The following ANO3 variants were observed in gnomAD, a reference collection of about 807,000 sequenced individuals.
ANO3 encodes the protein anoctamin 3.
In ANO3, 99 loss-of-function variants were observed where a neutral mutation model predicts 144.8. That is an observed-to-expected ratio of 0.68 (90% CI 0.58 to 0.81). The LOEUF is 0.81. Ranked by LOEUF, ANO3 falls within the 30% of genes least tolerant of loss-of-function variation. The pLI is 0.00. For missense variants in ANO3, 905 were observed against 1,202.2 expected, an observed-to-expected ratio of 0.75 and a Z score of 3.66; for synonymous variants, 414 against 392.6, an observed-to-expected ratio of 1.05 and a Z score of -0.64.
At chr11:26,403,568 A>G (rs2133976993) in intron 1 of ANO3, among the ~76,000 whole-genome samples, 1 of 151,958 alleles carries the variant, frequency 6.6e-6, no homozygotes, top group South Asian at 2.1e-4. Flanking sequence ...CACCTTAGTT[A>G]TCCCCGCTTT....
intron 4 of ANO3, chr11:26,474,132 T>C: frequency 1.0e-6 from 1 of 980,524 alleles, no homozygotes; most frequent in Non-Finnish European, 1.2e-6. Flanking sequence ...GACTGTGGTA[T>C]GTTTAAAAGT....
At chr11:26,366,558 C>T (rs897723344) in intron 1 of ANO3, among the ~76,000 whole-genome samples, 6 of 152,156 alleles carry the variant, frequency 3.9e-5, no homozygotes, top group Admixed American at 3.9e-4. Flanking sequence ...TCGCCACAGT[C>T]TTCCACAATG....
intron 1 of ANO3, among the ~76,000 whole-genome samples, chr11:26,252,987 T>C (rs542527197): frequency 2.5e-4 from 38 of 152,138 alleles, no homozygotes; most frequent in African/African-American, 9.2e-4. Flanking sequence ...GAAAGCCAAA[T>C]CACACAGGAA....
At chr11:26,460,438 T>C (rs78028537) in intron 3 of ANO3, among the ~76,000 whole-genome samples, 76 of 5,050 alleles carry the variant, frequency 0.015, 1 homozygote, top group South Asian at 0.062. Context: ...GGCGGGCGGG[T>C]GGAAGGAAAG....
intron 3 of ANO3, among the ~76,000 whole-genome samples, chr11:26,455,396 G>T (rs1420717982): frequency 6.6e-6 from 1 of 151,504 alleles, no homozygotes; most frequent in Admixed American, 6.6e-5. Context: ...CAAAATCAAT[G>T]TACAAAAATC....
chr11:26,536,145 C>T (rs1216323144), intron 9 of ANO3, among the ~76,000 whole-genome samples: 1 of 150,782 alleles, frequency 6.6e-6, no homozygotes, highest in Non-Finnish European at 1.5e-5. Context: ...CATGGTAAAA[C>T]CCGTCTTTAC....
chr11:26,241,967 A>C (rs1233986356), intron 1 of ANO3, among the ~76,000 whole-genome samples: 1 of 152,214 alleles, frequency 6.6e-6, no homozygotes, highest in Non-Finnish European at 1.5e-5. Context: ...GAGATGCAAA[A>C]TAGAGAGCTT....
At chr11:26,323,496 T>C (rs1384360757) in intron 1 of ANO3, among the ~76,000 whole-genome samples, 1 of 152,054 alleles carries the variant, frequency 6.6e-6, no homozygotes, top group African/African-American at 2.4e-5. Flanking sequence ...GGGTTTTGAA[T>C]GGGAAGGAGC....
chr11:26,453,272 GA>G (rs1477691196), intron 3 of ANO3, among the ~76,000 whole-genome samples: 5 of 151,574 alleles, frequency 3.3e-5, no homozygotes, highest in Non-Finnish European at 7.4e-5. Flanking sequence ...CCAATTAAAA[GA>G]CACAGACTGG....
intron 1 of ANO3, among the ~76,000 whole-genome samples, chr11:26,271,919 G>C (rs1291349601): frequency 6.6e-6 from 1 of 152,114 alleles, no homozygotes; most frequent in Non-Finnish European, 1.5e-5. Context: ...AAATGAATTA[G>C]AAAGGGCTAG....
chr11:26,634,180 C>T (rs373772316), intron 18 of ANO3, 24 bp from the exon 19 acceptor site: 5 of 1,509,254 alleles, frequency 3.3e-6, no homozygotes, highest in Non-Finnish European at 2.8e-6. Flanking sequence ...TCACCTGTGT[C>T]AATGCAACCT....
At chr11:26,365,985 TATATATATATA>T (rs1338503218) in intron 1 of ANO3, among the ~76,000 whole-genome samples, 24 of 1,546 alleles carry the variant, frequency 0.016, no homozygotes, top group Admixed American at 0.11. Flanking sequence ...TATATATATA[TATATATATATA>T]TATATATTTT....
intron 1 of ANO3, among the ~76,000 whole-genome samples, chr11:26,414,753 A>G (rs1359840321): frequency 7.4e-6 from 1 of 134,894 alleles, no homozygotes; most frequent in East Asian, 2.1e-4. Context: ...AACTTACAGT[A>G]AAGTTAAAAA....
intron 17 of ANO3, among the ~76,000 whole-genome samples, chr11:26,611,097 A>AT (rs1852086724): frequency 6.6e-6 from 1 of 151,798 alleles, no homozygotes; most frequent in Non-Finnish European, 1.5e-5. Flanking sequence ...AATTTTGTTG[A>AT]TTTTTTTGAA....
intron 1 of ANO3, among the ~76,000 whole-genome samples, chr11:26,416,870 T>A (rs1168650221): frequency 6.6e-6 from 1 of 152,070 alleles, no homozygotes; most frequent in East Asian, 1.9e-4. Flanking sequence ...AAAGCCTGGG[T>A]AAACACAAGG....
At chr11:26,349,338 A>G (rs1340213504) in intron 1 of ANO3, among the ~76,000 whole-genome samples, 2 of 152,190 alleles carry the variant, frequency 1.3e-5, no homozygotes, top group Non-Finnish European at 2.9e-5. Context: ...AAGTTGTTCT[A>G]ATAATGCCTT....
At chr11:26,221,517 G>A (rs185776075) in intron 1 of ANO3, among the ~76,000 whole-genome samples, 2 of 152,306 alleles carry the variant, frequency 1.3e-5, no homozygotes, top group African/African-American at 4.8e-5. Flanking sequence ...AGAGCAGATT[G>A]ATGGAATCTC....
chr11:26,366,224 TATGA>T (rs1400234910), intron 1 of ANO3, among the ~76,000 whole-genome samples: 3 of 151,962 alleles, frequency 2.0e-5, no homozygotes, highest in Non-Finnish European at 2.9e-5. Flanking sequence ...AATTCTCACC[TATGA>T]ATGAGAACAT....
At chr11:26,194,440 G>GTGTGTGTGTGTGTGTGTGTGTGTA (rs1851540047) in intron 1 of ANO3, among the ~76,000 whole-genome samples, 1 of 26,200 alleles carries the variant, frequency 3.8e-5, no homozygotes. Context: ...GTACATAGTG[G>GTGTGTGTGTGTGTGTGTGTGTGTA]TGTGTGTGTG....
Sources: allele counts gnomAD v4.1 joint callset (sites outside exome capture counted in the v4.1 genomes callset), GRCh38; gene constraint gnomAD v4.1.1; transcripts MANE v1.5; gene names NCBI Gene and HGNC (gene_info 2026-07-23, HGNC 2026-07-21).